Variants in B3GLCT observed in about 807,000 individuals in gnomAD.
The protein encoded by B3GLCT is beta-1,3-glucosyltransferase.
Under a neutral mutation model 63.4 loss-of-function variants are expected in B3GLCT, and 65 were observed. That is an observed-to-expected ratio of 1.03 (90% CI 0.84 to 1.26). The LOEUF is 1.26. Among genes scored for constraint, B3GLCT ranks in the 50% most tolerant of loss-of-function variants. The probability of loss-of-function intolerance (pLI) is 0.00; values close to 1 mark genes in which losing one functional copy is unlikely to be tolerated. For synonymous variants in B3GLCT, 233 were observed against 219.2 expected (o/e 1.06, Z -0.55); for missense variants, 577 against 604.8 (o/e 0.95, Z 0.48).
chr13:31,201,298 C>T (rs945992424), intron 1 of B3GLCT, among the ~76,000 whole-genome samples: 34 of 152,180 alleles, frequency 2.2e-4, no homozygotes, highest in African/African-American at 7.2e-4. Flanking sequence ...GATTAATTTG[C>T]TGCATTTGTG....
At chr13:31,317,067 A>G (rs1875076251) in intron 12 of B3GLCT, among the ~76,000 whole-genome samples, 1 of 152,162 alleles carries the variant, frequency 6.6e-6, no homozygotes, top group Non-Finnish European at 1.5e-5. Flanking sequence ...TCACTGCCCA[A>G]ATTCTCTTCC....
chr13:31,226,739 T>C (rs1487391374), intron 3 of B3GLCT, among the ~76,000 whole-genome samples: 2 of 152,116 alleles, frequency 1.3e-5, no homozygotes, highest in African/African-American at 4.8e-5. Context: ...CCAGCTAGGA[T>C]TAACCTTTTG....
intron 12 of B3GLCT, among the ~76,000 whole-genome samples, chr13:31,294,775 G>A (rs1026932324): frequency 6.6e-6 from 1 of 152,008 alleles, no homozygotes; most frequent in African/African-American, 2.4e-5. Context: ...ACTCGGAGGA[G>A]TTTGTTATTA....
intron 2 of B3GLCT, among the ~76,000 whole-genome samples, chr13:31,221,083 A>C (rs543389698): frequency 9.8e-5 from 15 of 152,332 alleles, no homozygotes; most frequent in Admixed American, 4.6e-4. Flanking sequence ...CTGGTTTGTA[A>C]TTCTGGTTCT....
At chr13:31,315,553 CA>C (rs1874954025) in intron 12 of B3GLCT, among the ~76,000 whole-genome samples, 1 of 152,164 alleles carries the variant, frequency 6.6e-6, no homozygotes, top group African/African-American at 2.4e-5. Flanking sequence ...TATTCATTCA[CA>C]GAGATGGTTT....
chr13:31,248,830 A>G (rs1005000889), intron 6 of B3GLCT, among the ~76,000 whole-genome samples: 1 of 152,176 alleles, frequency 6.6e-6, no homozygotes, highest in Non-Finnish European at 1.5e-5. Context: ...ATATTTGCGA[A>G]TGACTTTATA....
At chr13:31,237,208 T>C (rs1317023797) in intron 4 of B3GLCT, among the ~76,000 whole-genome samples, 1 of 151,648 alleles carries the variant, frequency 6.6e-6, no homozygotes, top group Non-Finnish European at 1.5e-5. Flanking sequence ...GGGGCAATGA[T>C]GAGATAACTT....
chr13:31,289,563 G>A (rs1412430475), intron 12 of B3GLCT, among the ~76,000 whole-genome samples: 1 of 151,998 alleles, frequency 6.6e-6, no homozygotes, highest in Non-Finnish European at 1.5e-5. Flanking sequence ...GGACTTTTCA[G>A]CAGAAACCTT....
intron 6 of B3GLCT, among the ~76,000 whole-genome samples, chr13:31,251,947 A>G (rs1351705867): frequency 6.6e-6 from 1 of 151,956 alleles, no homozygotes; most frequent in East Asian, 1.9e-4. Context: ...GAAGGAAAAA[A>G]ATGTTAAGGG....
At chr13:31,296,021 A>G (rs1016662022) in intron 12 of B3GLCT, among the ~76,000 whole-genome samples, 1 of 152,168 alleles carries the variant, frequency 6.6e-6, no homozygotes, top group African/African-American at 2.4e-5. Context: ...GGAATGCACC[A>G]TTCCTCATAG....
intron 10 of B3GLCT, among the ~76,000 whole-genome samples, chr13:31,284,437 TTACTC>T (rs1228591845): frequency 1.3e-5 from 2 of 152,186 alleles, no homozygotes; most frequent in African/African-American, 2.4e-5. Flanking sequence ...GAGAAATGCT[TTACTC>T]TAGAGAATGT....
chr13:31,222,289 G>A (rs1869853574), intron 2 of B3GLCT, among the ~76,000 whole-genome samples: 1 of 151,958 alleles, frequency 6.6e-6, no homozygotes, highest in African/African-American at 2.4e-5. Flanking sequence ...TATTGGCCAG[G>A]CTGGTCTTGA....
At chr13:31,219,875 A>T (rs543539356) in intron 2 of B3GLCT, among the ~76,000 whole-genome samples, 12 of 152,378 alleles carry the variant, frequency 7.9e-5, no homozygotes, top group East Asian at 3.9e-4. Flanking sequence ...AGTTGACTTC[A>T]TATGAAGTAG....
intron 6 of B3GLCT, among the ~76,000 whole-genome samples, chr13:31,257,187 T>C (rs765264590): frequency 2.0e-5 from 3 of 152,210 alleles, no homozygotes; most frequent in Non-Finnish European, 2.9e-5. Flanking sequence ...CATAAAACTG[T>C]ATTTGCAACC....
At chr13:31,269,326 G>A in intron 8 of B3GLCT, 49 bp downstream of exon 8, 1 of 1,349,784 alleles carries the variant, frequency 7.4e-7, no homozygotes, top group Non-Finnish European at 1.1e-6. Context: ...AAGAATTCAT[G>A]TCCTTTGATG....
chr13:31,205,415 C>T (rs1361654153), intron 1 of B3GLCT, among the ~76,000 whole-genome samples: 4 of 151,896 alleles, frequency 2.6e-5, no homozygotes, highest in Non-Finnish European at 5.9e-5. Flanking sequence ...AAAAATTACC[C>T]GCGCATGGTG....
chr13:31,231,762 C>A (rs1030449536), intron 4 of B3GLCT, among the ~76,000 whole-genome samples: 13 of 152,120 alleles, frequency 8.5e-5, no homozygotes, highest in Non-Finnish European at 1.8e-4. Context: ...ATAAAGTATT[C>A]CTTCTTCTCC....
rs139004276 is a variant in B3GLCT, at chr13:31,324,958, C to T, written c.1329+1063C>T. On this transcript the variant is annotated intron_variant, in intron 14 of 14. Transcript: ENST00000343307. ...CTGGACTCAAGCGATCCTCCCACCT[C>T]GACTTCCCAAAGTGCCAGGATTACA... Among the ~76,000 whole-genome samples, 6 of 152,288 alleles carry T rather than the reference C, an allele frequency of 3.9e-5. No individual in the cohort carries two copies. In the East Asian group the frequency reaches 1.2e-3, roughly 29 times the overall value.
intron 12 of B3GLCT, chr13:31,312,460 T>C (rs1028667819): frequency 6.6e-6 from 1 of 152,206 alleles, no homozygotes; most frequent in Non-Finnish European, 1.5e-5. Context: ...AGAGGGATTA[T>C]CTTGACTATA....
Sources: gnomAD v4.1 joint callset for allele counts (sites outside exome capture counted in the v4.1 genomes callset) on GRCh38, gnomAD v4.1.1 for gene constraint, MANE v1.5 for transcripts, NCBI Gene and HGNC (gene_info 2026-07-23, HGNC 2026-07-21) for gene names.